CNTNAP2: variants seen among roughly 807,000 people sequenced by gnomAD.
CNTNAP2 encodes the protein contactin associated protein 2, also known as contactin-associated protein-like 2.
A neutral mutation model predicts 155.2 loss-of-function variants in CNTNAP2; 98 were observed. That is an observed-to-expected ratio of 0.63 (90% CI 0.54 to 0.75). The LOEUF is 0.75. Among genes scored for constraint, CNTNAP2 ranks in the 30% least tolerant of loss-of-function variants. CNTNAP2 has a pLI of 0.00. For synonymous variants in CNTNAP2, 651 were observed against 631.2 expected, an observed-to-expected ratio of 1.03 and a Z score of -0.47; for missense variants, 1,727 against 1,688.1, an observed-to-expected ratio of 1.02 and a Z score of -0.40.
intron 1 of CNTNAP2, among the ~76,000 whole-genome samples, chr7:146,362,322 T>C (rs1182677688): frequency 1.3e-5 from 2 of 151,996 alleles, no homozygotes; most frequent in African/African-American, 2.4e-5. Flanking sequence ...AATTATTACA[T>C]TGTGAAAAGT....
chr7:147,635,272 C>CTT (rs1016730291), intron 12 of CNTNAP2, among the ~76,000 whole-genome samples: 1 of 145,132 alleles, frequency 6.9e-6, no homozygotes, highest in Non-Finnish European at 1.5e-5. Context: ...AGCTCCAAAA[C>CTT]TTTTTTTTTT....
chr7:147,338,035 T>G (rs529280411), intron 9 of CNTNAP2, among the ~76,000 whole-genome samples: 1 of 152,254 alleles, frequency 6.6e-6, no homozygotes, highest in African/African-American at 2.4e-5. Context: ...GCTACTGTGT[T>G]AGTTAGTTCT....
rs1799123700 is a variant in CNTNAP2, at chr7:148,383,677, C to G, written c.3504C>G (p.His1168Gln). 1.2e-6 allele frequency: 2 copies of G among 1,614,074 alleles called. No homozygotes were observed. The highest frequency in any genetic ancestry group is 1.3e-5 in the African/African-American group (1 of 74,910). Residue 1168 changes from histidine to glutamine, a missense_variant, in exon 22 of 24, where the codon CAC (histidine) becomes CAG (glutamine). His to Gln is a conservative substitution (Grantham distance 24). Transcript: ENST00000361727. ...CAGGGAAAATTGACCAAGAGATTCA[C>G]AAATACAACACCCCAGGATTCACTG... ...IETGKIDQEI[H>Q]KYNTPGFTGC... is the part of the protein sequence containing the mutation.
Position 146,397,088 on chromosome 7 carries a change from T to A in CNTNAP2, c.97+280115T>A, listed in dbSNP as rs1028812035. 2.0e-5 allele frequency among the ~76,000 whole-genome samples: 3 copies of A among 152,312 alleles called. No individual in the cohort carries two copies. In the East Asian group the frequency reaches 5.8e-4, roughly 29 times the overall value. ...CCCTTATTTTACTTTCCAACTAGAA[T>A]GAAGAGATGGGCTACTAGTTGTAGT... On this transcript the variant is annotated intron_variant, in intron 1 of 23. Coordinates refer to ENST00000361727, the MANE Select transcript of CNTNAP2 (RefSeq NM_014141.6).
intron 23 of CNTNAP2, among the ~76,000 whole-genome samples, chr7:148,415,148 T>C (rs918257721): frequency 2.0e-5 from 3 of 152,232 alleles, no homozygotes; most frequent in Non-Finnish European, 4.4e-5. Context: ...TTTCTGCCTG[T>C]TTTCTAATGT....
intron 2 of CNTNAP2, among the ~76,000 whole-genome samples, chr7:146,829,303 G>A (rs1306077474): frequency 6.6e-6 from 1 of 151,766 alleles, no homozygotes; most frequent in East Asian, 1.9e-4. Context: ...TTTTCATAAT[G>A]CCATTTATGT....
rs1271511667 is a variant in CNTNAP2, at chr7:146,871,911, C to T, written c.402+32007C>T. 2.0e-5 allele frequency among the ~76,000 whole-genome samples: 3 copies of T among 152,032 alleles called. No homozygotes were observed. In the East Asian group the frequency reaches 5.8e-4, roughly 29 times the overall value. On this transcript the variant is annotated intron_variant, in intron 3 of 23. Coordinates refer to ENST00000361727, the MANE Select transcript of CNTNAP2 (RefSeq NM_014141.6). ...AACTCTTTTGTTTTACAACTTGATA[C>T]ATCACATATTGCTATTCTCCAAAGA... is the stretch of plus-strand genomic sequence containing the variant.
intron 20 of CNTNAP2, among the ~76,000 whole-genome samples, chr7:148,237,380 C>G (rs563649419): frequency 6.6e-6 from 1 of 152,126 alleles, no homozygotes; most frequent in Admixed American, 6.5e-5. Context: ...AACTATAAGG[C>G]TTTGAAGGAA....
intron 5 of CNTNAP2, among the ~76,000 whole-genome samples, chr7:147,108,833 A>G (rs946024736): frequency 6.6e-6 from 1 of 152,174 alleles, no homozygotes; most frequent in South Asian, 2.1e-4. Context: ...AATATTTAAG[A>G]TGAGATCAGA....
intron 1 of CNTNAP2, among the ~76,000 whole-genome samples, chr7:146,700,765 C>T (rs990546959): frequency 5.9e-5 from 9 of 152,176 alleles, no homozygotes; most frequent in South Asian, 4.1e-4. Context: ...GTTAGCTCTG[C>T]GTGCAGGCAG....
intron 15 of CNTNAP2, among the ~76,000 whole-genome samples, chr7:148,117,424 G>A (rs1419347151): frequency 2.0e-5 from 3 of 152,282 alleles, no homozygotes; most frequent in East Asian, 1.9e-4. Context: ...CTTCTGCCTC[G>A]TTCCCGGCTC....
intron 21 of CNTNAP2, among the ~76,000 whole-genome samples, chr7:148,291,213 G>A (rs957641992): frequency 2.6e-5 from 4 of 151,484 alleles, no homozygotes; most frequent in African/African-American, 9.7e-5. Flanking sequence ...ATGAGAGTTC[G>A]CAGTAATAAA....
At chr7:146,889,198 T>C (rs914964931) in intron 3 of CNTNAP2, among the ~76,000 whole-genome samples, 3 of 152,166 alleles carry the variant, frequency 2.0e-5, no homozygotes, top group Admixed American at 1.3e-4. Flanking sequence ...TAAAAAAGTT[T>C]TAATTAGTTG....
At position 146,640,209 on chromosome 7, in the gene CNTNAP2, A is replaced by T. The variant is rs565098431; in HGVS notation, c.98-134062A>T. Among the ~76,000 whole-genome samples, 10 of 152,260 alleles carry T rather than the reference A, an allele frequency of 6.6e-5. No individual in the cohort carries two copies. The East Asian group carries it at 1.9e-3, about 29-fold the overall frequency. ...TTTATGTTTATGGCCTTGTTTTATTATTTTCTTCTTTTGGAATATTTCTTT... is the reference window on the plus strand; with the variant it reads ...TTTATGTTTATGGCCTTGTTTTATTTTTTTCTTCTTTTGGAATATTTCTTT... On this transcript the variant is annotated intron_variant, in intron 1 of 23. Coordinates refer to ENST00000361727, the MANE Select transcript of CNTNAP2 (RefSeq NM_014141.6).
At chr7:146,814,473 C>A (rs749341128) in intron 2 of CNTNAP2, among the ~76,000 whole-genome samples, 1 of 151,718 alleles carries the variant, frequency 6.6e-6, no homozygotes, top group Non-Finnish European at 1.5e-5. Flanking sequence ...TATAGAGAAC[C>A]TTTTGGCATG....
chr7:146,550,415 T>TGTTGTTG lies in CNTNAP2; in HGVS notation c.98-223856_98-223855insGTTGTTG, dbSNP rs1554447439. On this transcript the variant is annotated intron_variant, in intron 1 of 23. Coordinates refer to ENST00000361727, the MANE Select transcript of CNTNAP2 (RefSeq NM_014141.6). ...TCCATTAATCTGTTTTTTTTTTTTTTTTTTTTTTTTTTTTATAAAGTACCC... is the reference window on the plus strand; with the variant it reads ...TCCATTAATCTGTTTTTTTTTTTTTTGTTGTTGTTTTTTTTTTTTTTATAAAGTACCC... Among the ~76,000 whole-genome samples, 11 of 115,760 alleles carry TGTTGTTG rather than the reference T, an allele frequency of 9.5e-5. 1 individual carries two copies. The highest frequency in any genetic ancestry group is 1.5e-4 in the Non-Finnish European group (8 of 52,798). 75.9% of individuals were successfully genotyped at this position (115,760 alleles called of 152,430 possible). A position where few individuals can be genotyped will look rare whatever the true frequency, so the allele number is the denominator to read the frequency against.
chr7:146,965,788 A>G (rs1395480289), intron 3 of CNTNAP2, among the ~76,000 whole-genome samples: 1 of 152,222 alleles, frequency 6.6e-6, no homozygotes, highest in Non-Finnish European at 1.5e-5. Flanking sequence ...TAAGAATTAG[A>G]CACATCATGG....
intron 4 of CNTNAP2, among the ~76,000 whole-genome samples, chr7:147,084,630 A>G (rs1800231935): frequency 6.8e-6 from 1 of 147,092 alleles, no homozygotes; most frequent in African/African-American, 2.5e-5. Context: ...GTATATATGT[A>G]TATACATGTA....
At chr7:146,748,726 AAAAT>A (rs1801854635) in intron 1 of CNTNAP2, among the ~76,000 whole-genome samples, 1 of 152,218 alleles carries the variant, frequency 6.6e-6, no homozygotes. Flanking sequence ...AGGAGTTCTT[AAAAT>A]AAATAAACTT....
Sources: gnomAD v4.1 joint callset for allele counts (sites outside exome capture counted in the v4.1 genomes callset) on GRCh38, gnomAD v4.1.1 for gene constraint, MANE v1.5 for transcripts, NCBI Gene and HGNC (gene_info 2026-07-23, HGNC 2026-07-21) for gene names.